Variants in CDH12 observed in about 807,000 individuals in gnomAD.
CDH12 encodes cadherin-12.
A neutral mutation model predicts 74.1 loss-of-function variants in CDH12; 41 were observed. The observed-to-expected ratio is 0.55, with a 90% CI of 0.43 to 0.72. The LOEUF is 0.72. Ranked by LOEUF, CDH12 falls within the 30% of genes least tolerant of loss-of-function variation. The pLI, the probability that CDH12 is intolerant of heterozygous loss-of-function variation, is 0.00. For synonymous variants in CDH12, 399 were observed against 355.0 expected, an observed-to-expected ratio of 1.12 and a Z score of -1.39; for missense variants, 945 against 977.2, an observed-to-expected ratio of 0.97 and a Z score of 0.44.
chr5:22,690,684 C>A (rs973592751), intron 1 of CDH12, among the ~76,000 whole-genome samples: 4 of 152,112 alleles, frequency 2.6e-5, no homozygotes, highest in Admixed American at 2.6e-4. Context: ...AATCCCTTAA[C>A]TTTTCTTTTG....
intron 1 of CDH12, among the ~76,000 whole-genome samples, chr5:22,641,046 T>C (rs1187246264): frequency 1.3e-5 from 2 of 152,182 alleles, no homozygotes; most frequent in African/African-American, 4.8e-5. Context: ...TCTAGAGAGA[T>C]TGACCAATAC....
chr5:21,884,158 A>G, intron 6 of CDH12: 1 of 1,582,260 alleles, frequency 6.3e-7, no homozygotes, highest in Non-Finnish European at 8.7e-7. Context: ...GACCCAACAA[A>G]GCTTGTGAGA....
chr5:22,573,527 TA>T (rs1474872741), intron 1 of CDH12, among the ~76,000 whole-genome samples: 1 of 152,150 alleles, frequency 6.6e-6, no homozygotes, highest in African/African-American at 2.4e-5. Context: ...AGCATGTGGT[TA>T]GGGGGGAGAT....
intron 5 of CDH12, among the ~76,000 whole-genome samples, chr5:22,075,405 T>C (rs1380183364): frequency 6.6e-6 from 1 of 151,870 alleles, no homozygotes; most frequent in African/African-American, 2.4e-5. Flanking sequence ...GGCACATGTA[T>C]ACATCTGTAA....
At chr5:21,960,488 G>A (rs1402494856) in intron 6 of CDH12, among the ~76,000 whole-genome samples, 4 of 152,112 alleles carry the variant, frequency 2.6e-5, no homozygotes, top group Non-Finnish European at 5.9e-5. Flanking sequence ...TCAATTGAGC[G>A]TGGGACAGGG....
chr5:21,932,442 C>G (rs1450202545), intron 6 of CDH12, among the ~76,000 whole-genome samples: 1 of 152,176 alleles, frequency 6.6e-6, no homozygotes. Flanking sequence ...AAATTAATCA[C>G]TACATTCTTT....
intron 1 of CDH12, among the ~76,000 whole-genome samples, chr5:22,507,837 C>T (rs757597076): frequency 2.6e-5 from 4 of 152,164 alleles, no homozygotes; most frequent in East Asian, 1.9e-4. Context: ...CAAGGTGTCA[C>T]GGTGCTGCCA....
intron 6 of CDH12, among the ~76,000 whole-genome samples, chr5:21,906,631 GT>G (rs1753653741): frequency 6.6e-6 from 1 of 152,012 alleles, no homozygotes; most frequent in African/African-American, 2.4e-5. Flanking sequence ...TGTTGTAGTT[GT>G]TTTCTTTAAA....
chr5:22,104,181 G>A (rs7711478), intron 4 of CDH12, among the ~76,000 whole-genome samples: 72,184 of 151,936 alleles, frequency 0.48, 17,336 homozygotes, highest in Middle Eastern at 0.54. Context: ...ATTATATTGA[G>A]TATACCATAC....
At chr5:22,586,834 A>G (rs973914283) in intron 1 of CDH12, among the ~76,000 whole-genome samples, 13 of 126,512 alleles carry the variant, frequency 1.0e-4, no homozygotes, top group Admixed American at 7.3e-4. Flanking sequence ...AGTTTAGAGG[A>G]GGATTTTTTT....
At chr5:21,903,953 A>G (rs1753516643) in intron 6 of CDH12, among the ~76,000 whole-genome samples, 1 of 152,154 alleles carries the variant, frequency 6.6e-6, no homozygotes, top group Non-Finnish European at 1.5e-5. Context: ...TTAGAAAAAA[A>G]GACATGGATT....
At chr5:22,779,558 A>T (rs1747280711) in intron 1 of CDH12, among the ~76,000 whole-genome samples, 1 of 152,204 alleles carries the variant, frequency 6.6e-6, no homozygotes, top group African/African-American at 2.4e-5. Flanking sequence ...TAGAAATTTA[A>T]TCCCCATAAT....
chr5:22,732,135 T>G (rs1744457500), intron 1 of CDH12, among the ~76,000 whole-genome samples: 1 of 151,814 alleles, frequency 6.6e-6, no homozygotes, highest in South Asian at 2.1e-4. Flanking sequence ...ACTAGAAGTC[T>G]GAGGTCAACA....
intron 4 of CDH12, among the ~76,000 whole-genome samples, chr5:22,174,245 C>T (rs943159506): frequency 6.6e-6 from 1 of 151,936 alleles, no homozygotes; most frequent in African/African-American, 2.4e-5. Flanking sequence ...ATGCTTAAAG[C>T]TCTACTTCTC....
At chr5:21,808,145 A>G (rs767383682) in intron 9 of CDH12, among the ~76,000 whole-genome samples, 4 of 152,066 alleles carry the variant, frequency 2.6e-5, no homozygotes, top group Non-Finnish European at 5.9e-5. Flanking sequence ...ACACACAACA[A>G]CAATACAAAA....
At chr5:21,979,371 T>C (rs546544354) in intron 5 of CDH12, among the ~76,000 whole-genome samples, 351 of 152,162 alleles carry the variant, frequency 2.3e-3, no homozygotes, top group Non-Finnish European at 3.8e-3. Flanking sequence ...GGAAGTAGTG[T>C]TGTTATTTTC....
At chr5:22,328,553 T>C (rs1264629547) in intron 3 of CDH12, among the ~76,000 whole-genome samples, 1 of 152,184 alleles carries the variant, frequency 6.6e-6, no homozygotes, top group African/African-American at 2.4e-5. Context: ...CTTCAGGCGG[T>C]ATTTTTAAAC....
intron 10 of CDH12, among the ~76,000 whole-genome samples, chr5:21,794,220 G>A (rs1272151085): frequency 6.6e-6 from 1 of 151,492 alleles, no homozygotes; most frequent in East Asian, 1.9e-4. Context: ...TTGGCAAATT[G>A]TAGTCCAGTT....
intron 3 of CDH12, among the ~76,000 whole-genome samples, chr5:22,236,961 C>CT (rs148539740): frequency 0.37 from 55,795 of 150,382 alleles, 10,778 homozygotes; most frequent in South Asian, 0.49. Context: ...TTTTATGGCT[C>CT]TTTTTTTTTA....
Sources: gnomAD v4.1 joint callset for allele counts (sites outside exome capture counted in the v4.1 genomes callset) on GRCh38, gnomAD v4.1.1 for gene constraint, MANE v1.5 for transcripts, NCBI Gene and HGNC (gene_info 2026-07-23, HGNC 2026-07-21) for gene names.